The following MSN variants were observed in gnomAD, a reference collection of about 807,000 sequenced individuals.
MSN encodes moesin.
In MSN, 2 loss-of-function variants were observed where a neutral mutation model predicts 48.0. That is an observed-to-expected ratio of 0.04 (90% CI 0.02 to 0.13). The LOEUF (loss-of-function observed/expected upper bound fraction) is 0.13, where lower values mean the gene tolerates loss of function less well. Ranked by LOEUF, MSN falls within the 10% of genes least tolerant of loss-of-function variation. MSN has a pLI of 1.00. For missense variants in MSN, 267 were observed against 470.1 expected (o/e 0.57, Z 3.99); for synonymous variants, 146 against 166.9 (o/e 0.87, Z 0.97).
intron 1 of MSN, among the ~76,000 whole-genome samples, chrX:65,639,896 C>G (rs1293826052): frequency 8.9e-6 from 1 of 111,742 alleles, no homozygotes; most frequent in Non-Finnish European, 1.9e-5. Context: ...TTGCCAGCTA[C>G]TTTCTCACGT....
At chrX:65,651,989 G>A (rs1191181198) in intron 1 of MSN, among the ~76,000 whole-genome samples, 4 of 107,510 alleles carry the variant, frequency 3.7e-5, no homozygotes, top group African/African-American at 6.7e-5. Context: ...GGTGGCTCAC[G>A]CCTGTAATCC....
At chrX:65,636,763 A>AAAAC (rs2070604325) in intron 1 of MSN, among the ~76,000 whole-genome samples, 1 of 101,479 alleles carries the variant, frequency 9.9e-6, no homozygotes, top group African/African-American at 3.7e-5. Context: ...AAAAAAAAAA[A>AAAAC]AAAAAAAAAA....
intron 1 of MSN, among the ~76,000 whole-genome samples, chrX:65,650,052 C>CTTTTTTT (rs59222247): frequency 3.8e-5 from 2 of 53,197 alleles, no homozygotes; most frequent in African/African-American, 9.6e-5. Context: ...CCTTTTTTCT[C>CTTTTTTT]TTTTTTTTTT....
At chrX:65,727,675 G>A in intron 2 of MSN, 139 bp from the exon 3 acceptor site, 1 of 457,839 alleles carries the variant, frequency 2.2e-6, no homozygotes, top group Non-Finnish European at 3.8e-6. Context: ...TGCTGCTCAA[G>A]TATATTTTCT....
rs187390359 is a variant in MSN, at chrX:65,697,252, C to G, written c.13-19566C>G. On this transcript the variant is annotated intron_variant, in intron 1 of 12. Coordinates refer to ENST00000360270, the MANE Select transcript of MSN (RefSeq NM_002444.3). ...TTAGGGGTAGCCAGCCAAAGTCCCC[C>G]ATACAAGCCCAACCAAGGATCATGC... Among the ~76,000 whole-genome samples the G allele has an allele frequency of 1.9e-3, 211 of 111,477 alleles. 3 individuals are homozygous for G. Among genetic ancestry groups the G allele is most frequent in the African/African-American group, 6.7e-3 (205 of 30,649 alleles).
intron 1 of MSN, among the ~76,000 whole-genome samples, chrX:65,662,615 T>C (rs1015057806): frequency 1.8e-5 from 2 of 112,453 alleles, no homozygotes; most frequent in African/African-American, 6.5e-5. Flanking sequence ...CCCTTACCTT[T>C]CACCATTTAC....
In MSN at chrX:65,739,175, G is replaced by A. The variant is rs2071710898; in HGVS notation, c.1550G>A (p.Arg517His). 5.0e-6 allele frequency: 6 copies of A among 1,209,451 alleles called. No individual in the cohort carries two copies. Among genetic ancestry groups the A allele is most frequent in the East Asian group, 5.9e-5 (2 of 33,772 alleles). The change falls in exon 12 of 13, where the codon CGT becomes CAT. Residue 517 changes from arginine (R) to histidine (H), a missense_variant. Arg to His is a conservative substitution (Grantham distance 29). This residue lies in a region of MSN where 48 missense variants were observed against 115.5 expected (regional missense o/e 0.42). Transcript: ENST00000360270. ...ERTTEAEKNE[R>H]VQKHLKALTS... is the part of the protein sequence containing the mutation. ...ACCACTGAGGCAGAGAAGAATGAGC[G>A]TGTGCAGAAGCACCTGAAGGTATAC...
intron 1 of MSN, among the ~76,000 whole-genome samples, chrX:65,612,561 T>A (rs1330230912): frequency 2.5e-4 from 28 of 110,194 alleles, no homozygotes; most frequent in Non-Finnish European, 4.0e-4. Context: ...ATGGTTTTTT[T>A]TTTTTGTTTA....
intron 1 of MSN, among the ~76,000 whole-genome samples, chrX:65,609,873 A>T (rs931680318): frequency 9.3e-6 from 1 of 107,619 alleles, no homozygotes; most frequent in Non-Finnish European, 1.9e-5. Context: ...ACAGAGCAAG[A>T]CTCCACCTAA....
rs1024630553 is a variant in MSN, at chrX:65,654,634, C to G, written c.-21-62184C>G. Among the ~76,000 whole-genome samples the G allele has an allele frequency of 2.7e-5, 3 of 111,365 alleles. No homozygotes were observed. The Admixed American group carries it at 2.9e-4, about 11-fold the overall frequency. On this transcript the variant is annotated intron_variant, in intron 1 of 3. Coordinates refer to the MSN transcript ENST00000609672. ...GCTTTCAAGGTGGCACTTTCTCTCT[C>G]TCTCTTTCCCTCATACATATACTAA...
At chrX:65,649,589 AT>A (rs201480979) in intron 1 of MSN, among the ~76,000 whole-genome samples, 1,658 of 91,798 alleles carry the variant, frequency 0.018, 48 homozygotes, top group African/African-American at 0.075. Flanking sequence ...AAAAAAAAAA[AT>A]ATATATATAT....
intron 3 of MSN, among the ~76,000 whole-genome samples, chrX:65,728,778 C>T (rs2071593921): frequency 8.9e-6 from 1 of 111,820 alleles, no homozygotes; most frequent in Non-Finnish European, 1.9e-5. Context: ...TCCATGCAAG[C>T]TCTCCACCCC....
chrX:65,701,789 C>T (rs907373450), intron 1 of MSN, among the ~76,000 whole-genome samples: 1 of 111,776 alleles, frequency 8.9e-6, no homozygotes, highest in Non-Finnish European at 1.9e-5. Context: ...TTTCAGAATA[C>T]AAAGCTATGT....
chrX:65,700,276 T>C (rs765340382), intron 1 of MSN, among the ~76,000 whole-genome samples: 1 of 111,980 alleles, frequency 8.9e-6, no homozygotes, highest in African/African-American at 3.2e-5. Context: ...AACTGAGGCT[T>C]TAAGAGGTCT....
chrX:65,714,013 C>T (rs1379875566), intron 1 of MSN, among the ~76,000 whole-genome samples: 1 of 111,493 alleles, frequency 9.0e-6, no homozygotes, highest in Admixed American at 9.5e-5. Flanking sequence ...CTCCTGGCCT[C>T]AAGGGATGCG....
chrX:65,670,899 TATATATATATATATATATATATA>T (rs2070928922), intron 1 of MSN, among the ~76,000 whole-genome samples: 1 of 584 alleles, frequency 1.7e-3, no homozygotes, highest in African/African-American at 4.7e-3. Flanking sequence ...ATGACAGTTA[TATATATATATATATATATATATA>T]TATATATATA....
At chrX:65,666,525 G>T (rs1187949521), upstream of MSN, among the ~76,000 whole-genome samples, 3 of 109,995 alleles carry the variant, frequency 2.7e-5, no homozygotes, top group Admixed American at 9.8e-5. Context: ...CACCATGTTG[G>T]CCAGGCTGGT....
chrX:65,724,762 C>G (rs2071551353), intron 2 of MSN, among the ~76,000 whole-genome samples: 1 of 111,526 alleles, frequency 9.0e-6, no homozygotes, highest in African/African-American at 3.3e-5. Context: ...TCTCAGCTCA[C>G]TGCATCCTCC....
At chrX:65,676,328 C>T (rs2070998387) in intron 1 of MSN, among the ~76,000 whole-genome samples, 1 of 112,069 alleles carries the variant, frequency 8.9e-6, no homozygotes. Flanking sequence ...CTTGTTGTGG[C>T]ATAAGGTAAG....
Sources: allele counts gnomAD v4.1 joint callset (sites outside exome capture counted in the v4.1 genomes callset), GRCh38; gene constraint gnomAD v4.1.1; regional missense constraint gnomAD v4.1.1; transcripts MANE v1.5; gene names NCBI Gene and HGNC (gene_info 2026-07-23, HGNC 2026-07-21).